The following CXorf58 variants were observed in gnomAD, a reference collection of about 807,000 sequenced individuals.
The protein encoded by CXorf58 is uncharacterized protein CXorf58.
CXorf58 carries 24 observed loss-of-function variants against 26.0 expected under a neutral mutation model. The observed-to-expected ratio is 0.92, with a 90% CI of 0.67 to 1.30. CXorf58 has a LOEUF of 1.30. Ranked by LOEUF, CXorf58 falls within the 50% of genes most tolerant of loss-of-function variation. CXorf58 has a pLI of 0.00. For synonymous variants in CXorf58, 87 were observed against 86.1 expected, an observed-to-expected ratio of 1.01 and a Z score of -0.06; for missense variants, 236 against 263.9, an observed-to-expected ratio of 0.89 and a Z score of 0.73.
At chrX:23,931,883 GA>G (rs1376196030) in intron 6 of CXorf58, among the ~76,000 whole-genome samples, 7 of 111,676 alleles carry the variant, frequency 6.3e-5, no homozygotes, top group Non-Finnish European at 1.3e-4. Flanking sequence ...GAAAATGAAA[GA>G]AAAAAACCCA....
intron 6 of CXorf58, among the ~76,000 whole-genome samples, chrX:23,928,603 T>G (rs1005579869): frequency 2.7e-5 from 3 of 111,977 alleles, no homozygotes; most frequent in African/African-American, 9.7e-5. Context: ...TGGTCATTCT[T>G]GCAATATTTC....
chrX:23,935,785 T>G (rs1218741002), intron 7 of CXorf58, among the ~76,000 whole-genome samples: 1 of 110,252 alleles, frequency 9.1e-6, no homozygotes, highest in Non-Finnish European at 1.9e-5. Context: ...TGCCTTTTTT[T>G]TTTTTGAGAC....
At chrX:23,921,443 T>G (rs898341024) in intron 5 of CXorf58, among the ~76,000 whole-genome samples, 3 of 111,903 alleles carry the variant, frequency 2.7e-5, no homozygotes, top group Middle Eastern at 4.7e-3. Flanking sequence ...GTGGTCATAT[T>G]ATTGACCTTG....
At chrX:23,937,398 C>T (rs950503522) in intron 7 of CXorf58, among the ~76,000 whole-genome samples, 2 of 107,965 alleles carry the variant, frequency 1.9e-5, no homozygotes, top group African/African-American at 6.8e-5. Flanking sequence ...TGCACATGGG[C>T]TTGCTTTTCT....
intron 3 of CXorf58, 75 bp downstream of exon 3, chrX:23,911,931 T>G: frequency 1.4e-5 from 10 of 714,746 alleles, no homozygotes; most frequent in Non-Finnish European, 2.1e-5. Flanking sequence ...AAAGATCGAA[T>G]AGATAACCTT....
Position 23,938,709 on chromosome X carries a change from A to G in CXorf58, c.939+9A>G. On this transcript the variant is annotated intron_variant, in intron 8 of 8. Coordinates refer to ENST00000379211, the MANE Select transcript of CXorf58 (RefSeq NM_152761.3). ...ATACTTCTGAGGTGACTGTAAGTTT[A>G]ACTTGTACTGAATTCATTGTTTTGG... is the stretch of plus-strand genomic sequence containing the variant. 3 of 1,113,638 alleles carry G rather than the reference A, an allele frequency of 2.7e-6. No homozygotes were observed. Among genetic ancestry groups the G allele is most frequent in the South Asian group, 2.1e-5 (1 of 48,163 alleles). 91.8% of individuals were successfully genotyped at this position (1,113,638 alleles called of 1,213,427 possible). A position where few individuals can be genotyped will look rare whatever the true frequency, so the allele number is the denominator to read the frequency against.
chrX:23,927,037 A>G (rs762045910), intron 5 of CXorf58, among the ~76,000 whole-genome samples: 1 of 111,827 alleles, frequency 8.9e-6, no homozygotes, highest in South Asian at 3.7e-4. Context: ...AAACCTATGT[A>G]GATAAGGCTA....
At chrX:23,918,566 G>T (rs760245664) in intron 5 of CXorf58, among the ~76,000 whole-genome samples, 8 of 111,758 alleles carry the variant, frequency 7.2e-5, no homozygotes, top group Non-Finnish European at 1.5e-4. Flanking sequence ...TATTATTTTT[G>T]ATCAGTTCAT....
chrX:23,928,058 T>G (rs924843345), intron 6 of CXorf58, among the ~76,000 whole-genome samples: 1 of 111,893 alleles, frequency 8.9e-6, no homozygotes, highest in Admixed American at 9.6e-5. Flanking sequence ...TATATGGCTT[T>G]TTATATGTAG....
chrX:23,910,844 C>T (rs1424761883), intron 2 of CXorf58, among the ~76,000 whole-genome samples: 4 of 99,557 alleles, frequency 4.0e-5, no homozygotes, highest in Non-Finnish European at 4.0e-5. Flanking sequence ...CGGCTCACTG[C>T]AACCTCTGTC....
At position 23,920,129 on chromosome X, in the gene CXorf58, G is replaced by T. The variant is rs769836570; in HGVS notation, c.423+3801G>T. On this transcript the variant is annotated intron_variant, in intron 5 of 8. Transcript: ENST00000379211. The stretch of plus-strand genomic sequence containing the variant: ...GGACCTGAAGCAAGCATAGCACTGG[G>T]TCTCTCCCAAGGCCCACAGTGACCA... 1.4e-3 allele frequency among the ~76,000 whole-genome samples: 158 copies of T among 112,181 alleles called. 1 individual carries two copies. Among genetic ancestry groups the T allele is most frequent in the Non-Finnish European group, 2.6e-3 (137 of 53,240 alleles).
chrX:23,932,107 T>C (rs1928177986), intron 6 of CXorf58, among the ~76,000 whole-genome samples: 1 of 112,575 alleles, frequency 8.9e-6, no homozygotes, highest in African/African-American at 3.2e-5. Flanking sequence ...CTTGCCTTCT[T>C]GTTCTTCTAG....
chrX:23,922,424 G>A (rs898252769), intron 5 of CXorf58, among the ~76,000 whole-genome samples: 1 of 111,081 alleles, frequency 9.0e-6, no homozygotes, highest in Admixed American at 9.7e-5. Flanking sequence ...CTTGCCTAAG[G>A]TCTCACACCT....
At chrX:23,925,986 A>G (rs1481221758) in intron 5 of CXorf58, among the ~76,000 whole-genome samples, 5 of 102,312 alleles carry the variant, frequency 4.9e-5, no homozygotes, top group South Asian at 4.5e-4. Flanking sequence ...ACGGGGTTTC[A>G]CCATGTTGGC....
chrX:23,939,177 A>G, intron 8 of CXorf58, 67 bp from the exon 9 acceptor site: 1 of 705,265 alleles, frequency 1.4e-6, no homozygotes, highest in Non-Finnish European at 2.2e-6. Flanking sequence ...ATAGTCAAAC[A>G]TTAAAATATA....
chrX:23,933,654 C>T lies in CXorf58; in HGVS notation c.556-1542C>T, dbSNP rs552057138. On this transcript the variant is annotated intron_variant, in intron 6 of 8. Coordinates refer to ENST00000379211, the MANE Select transcript of CXorf58 (RefSeq NM_152761.3). The stretch of plus-strand genomic sequence containing the variant: ...CTGTAATCTCAGCACTTTGGGAGGC[C>T]GAGGTAAGTGGATTACCTGAGGTCA... Among the ~76,000 whole-genome samples, 16 of 110,750 alleles carry T rather than the reference C, an allele frequency of 1.4e-4. No homozygotes were observed. In the South Asian group the frequency reaches 6.0e-3, roughly 42 times the overall value.
intron 7 of CXorf58, among the ~76,000 whole-genome samples, chrX:23,935,666 A>G (rs1928280774): frequency 8.9e-6 from 1 of 111,819 alleles, no homozygotes; most frequent in South Asian, 3.7e-4. Context: ...CACAGAAAAT[A>G]TAAAAAAATG....
chrX:23,938,535 A>G lies in CXorf58; in HGVS notation c.786-12A>G, dbSNP rs746562870. The G allele has an allele frequency of 2.7e-6, 3 of 1,094,868 alleles. No individual in the cohort carries two copies. The highest frequency in any genetic ancestry group is 3.3e-5 in the East Asian group (1 of 30,738). The allele number at this position is 1,094,868 out of a possible 1,213,427, so 90.2% of individuals were successfully genotyped here. A position where few individuals can be genotyped will look rare whatever the true frequency, so the allele number is the denominator to read the frequency against. On this transcript the variant is annotated splice_polypyrimidine_tract_variant and intron_variant, in intron 7 of 8. Coordinates refer to ENST00000379211, the MANE Select transcript of CXorf58 (RefSeq NM_152761.3). ...GTGTGATTTTTCTGTTTTTAATACAAACATTTTCTAGGGGTCCATACTTAA... is the reference window on the plus strand; with the variant it reads ...GTGTGATTTTTCTGTTTTTAATACAGACATTTTCTAGGGGTCCATACTTAA...
chrX:23,931,719 C>T (rs958187912), intron 6 of CXorf58, among the ~76,000 whole-genome samples: 3 of 112,085 alleles, frequency 2.7e-5, no homozygotes, highest in African/African-American at 9.7e-5. Context: ...GTAGTCCCAG[C>T]TACTTGGGAG....
Sources: gnomAD v4.1 joint callset for allele counts (sites outside exome capture counted in the v4.1 genomes callset) on GRCh38, gnomAD v4.1.1 for gene constraint, MANE v1.5 for transcripts, NCBI Gene and HGNC (gene_info 2026-07-23, HGNC 2026-07-21) for gene names.